Variants in SGCD observed in about 807,000 individuals in gnomAD.
SGCD encodes the protein sarcoglycan delta.
Under a neutral mutation model 36.6 loss-of-function variants are expected in SGCD, and 18 were observed. The observed-to-expected ratio is 0.49, with a 90% CI of 0.34 to 0.73. The LOEUF is 0.73. SGCD is among the 30% of genes least tolerant of loss of function. The probability of loss-of-function intolerance (pLI) is 0.01; values close to 1 mark genes in which losing one functional copy is unlikely to be tolerated. For missense variants in SGCD, 387 were observed against 346.7 expected, an observed-to-expected ratio of 1.12 and a Z score of -0.92; for synonymous variants, 133 against 130.6, an observed-to-expected ratio of 1.02 and a Z score of -0.12.
intron 1 of SGCD, among the ~76,000 whole-genome samples, chr5:155,987,771 C>A (rs1758359083): frequency 6.6e-6 from 1 of 152,156 alleles, no homozygotes; most frequent in Non-Finnish European, 1.5e-5. Context: ...AACTCCTATT[C>A]TTCTTTCCAT....
At chr5:155,973,552 A>G (rs2310879) in intron 1 of SGCD, among the ~76,000 whole-genome samples, 64,107 of 151,986 alleles carry the variant, frequency 0.42, 14,324 homozygotes, top group African/African-American at 0.57. Flanking sequence ...AAATGATCAG[A>G]CAAGTAAGAA....
intron 3 of SGCD, among the ~76,000 whole-genome samples, chr5:156,366,092 A>G (rs538617729): frequency 3.3e-5 from 5 of 152,348 alleles, no homozygotes; most frequent in African/African-American, 4.8e-5. Flanking sequence ...AATGAAGGCA[A>G]CTTTGCAAAT....
chr5:156,307,628 A>T (rs1053969622), intron 3 of SGCD, among the ~76,000 whole-genome samples: 10 of 90,436 alleles, frequency 1.1e-4, no homozygotes, highest in Admixed American at 2.6e-4. Flanking sequence ...CTGATTTTTT[A>T]AAAATAGTGA....
intron 1 of SGCD, among the ~76,000 whole-genome samples, chr5:155,926,043 G>A (rs961149234): frequency 7.9e-5 from 12 of 152,104 alleles, no homozygotes; most frequent in South Asian, 2.1e-4. Context: ...CATTATAAAA[G>A]CGAGCCACTG....
At chr5:156,289,766 G>A (rs1440543501) in intron 3 of SGCD, among the ~76,000 whole-genome samples, 9 of 151,884 alleles carry the variant, frequency 5.9e-5, no homozygotes, top group African/African-American at 1.7e-4. Flanking sequence ...CAATCCGCCC[G>A]TCCTAGTCTC....
chr5:156,014,557 C>T (rs1436239065), intron 1 of SGCD, among the ~76,000 whole-genome samples: 1 of 152,102 alleles, frequency 6.6e-6, no homozygotes, highest in African/African-American at 2.4e-5. Context: ...AAGAATAAAG[C>T]TATTCTCTTA....
At chr5:156,515,381 G>A (rs1214758351) in intron 4 of SGCD, among the ~76,000 whole-genome samples, 1 of 152,200 alleles carries the variant, frequency 6.6e-6, no homozygotes, top group Non-Finnish European at 1.5e-5. Context: ...TTGATTAGAA[G>A]CAGCTGTGGA....
At chr5:156,584,948 C>T (rs973194522) in intron 4 of SGCD, among the ~76,000 whole-genome samples, 11 of 152,136 alleles carry the variant, frequency 7.2e-5, no homozygotes, top group African/African-American at 2.7e-4. Context: ...TATTGAAAGC[C>T]TAATGGGTGC....
intron 3 of SGCD, among the ~76,000 whole-genome samples, chr5:156,318,929 G>A (rs4705001): frequency 0.8 from 122,255 of 152,170 alleles, 49,756 homozygotes; most frequent in African/African-American, 0.94. Context: ...ACATTCTTTC[G>A]TTAGATGTGC....
At chr5:156,721,369 A>G (rs1755493891) in intron 7 of SGCD, among the ~76,000 whole-genome samples, 1 of 152,198 alleles carries the variant, frequency 6.6e-6, no homozygotes, top group African/African-American at 2.4e-5. Flanking sequence ...TGCCAGTGAG[A>G]TAAGAGGATA....
intron 3 of SGCD, among the ~76,000 whole-genome samples, chr5:156,139,970 T>C (rs1268422712): frequency 6.6e-6 from 1 of 152,228 alleles, no homozygotes; most frequent in African/African-American, 2.4e-5. Context: ...ATCTGCCATG[T>C]GAGGACACAG....
intron 3 of SGCD, among the ~76,000 whole-genome samples, chr5:156,169,121 A>T: frequency 6.6e-6 from 1 of 152,230 alleles, no homozygotes; most frequent in East Asian, 1.9e-4. Context: ...ATTAAAACTA[A>T]TTGCCCCCAG....
At chr5:156,706,666 G>A (rs903904515) in intron 7 of SGCD, among the ~76,000 whole-genome samples, 2 of 152,078 alleles carry the variant, frequency 1.3e-5, no homozygotes, top group Non-Finnish European at 2.9e-5. Flanking sequence ...TCAGCAATCA[G>A]AGTCCCCAGA....
intron 7 of SGCD, among the ~76,000 whole-genome samples, chr5:156,691,534 G>A (rs1754111752): frequency 6.6e-6 from 1 of 152,316 alleles, no homozygotes; most frequent in East Asian, 1.9e-4. Context: ...TGCCATTGTA[G>A]TTCAAAAGCA....
At chr5:156,527,769 G>T (rs1304564145) in intron 4 of SGCD, among the ~76,000 whole-genome samples, 1 of 152,188 alleles carries the variant, frequency 6.6e-6, no homozygotes, top group Non-Finnish European at 1.5e-5. Context: ...TTGACCAGGA[G>T]ATGGTCCTGC....
At chr5:156,015,014 CAG>C (rs1348625667) in intron 1 of SGCD, among the ~76,000 whole-genome samples, 2 of 152,180 alleles carry the variant, frequency 1.3e-5, no homozygotes, top group African/African-American at 2.4e-5. Context: ...TGACACTAGT[CAG>C]GGGCTTGGCC....
chr5:156,128,479 A>G (rs997366513), intron 3 of SGCD, among the ~76,000 whole-genome samples: 10 of 144,110 alleles, frequency 6.9e-5, no homozygotes, highest in Non-Finnish European at 1.3e-4. Flanking sequence ...CAGATGTCTA[A>G]CAAAAAAAAA....
At chr5:156,145,305 G>T (rs984437331) in intron 3 of SGCD, among the ~76,000 whole-genome samples, 1 of 152,134 alleles carries the variant, frequency 6.6e-6, no homozygotes, top group African/African-American at 2.4e-5. Flanking sequence ...TGTCATGATT[G>T]TAAGTTTGCT....
At chr5:155,928,473 G>C (rs1757035643) in intron 1 of SGCD, among the ~76,000 whole-genome samples, 1 of 151,984 alleles carries the variant, frequency 6.6e-6, no homozygotes, top group Admixed American at 6.6e-5. Context: ...TTCAAGACCA[G>C]CCTGGCTAAC....
Sources: allele counts gnomAD v4.1 joint callset (sites outside exome capture counted in the v4.1 genomes callset), GRCh38; gene constraint gnomAD v4.1.1; transcripts MANE v1.5; gene names NCBI Gene and HGNC (gene_info 2026-07-23, HGNC 2026-07-21).